Variants in SGCZ observed in about 807,000 individuals in gnomAD.
The protein encoded by SGCZ is sarcoglycan zeta, also known as zeta-sarcoglycan.
A neutral mutation model predicts 41.3 loss-of-function variants in SGCZ; 40 were observed. The observed-to-expected ratio is 0.97, with a 90% CI of 0.75 to 1.26. The LOEUF (loss-of-function observed/expected upper bound fraction) is 1.26. Among genes scored for constraint, SGCZ ranks in the 50% most tolerant of loss-of-function variants. SGCZ has a pLI of 0.00. For missense variants in SGCZ, 552 were observed against 369.8 expected (o/e 1.49, Z -4.04); for synonymous variants, 206 against 137.5 (o/e 1.50, Z -3.49).
intron 4 of SGCZ, among the ~76,000 whole-genome samples, chr8:14,190,159 C>T (rs1164746233): frequency 6.6e-6 from 1 of 151,442 alleles, no homozygotes; most frequent in Admixed American, 6.6e-5. Flanking sequence ...ACTACAGGCG[C>T]CCGCCACCAC....
intron 2 of SGCZ, among the ~76,000 whole-genome samples, chr8:14,336,268 A>C (rs534548171): frequency 6.6e-6 from 1 of 152,134 alleles, no homozygotes; most frequent in Non-Finnish European, 1.5e-5. Flanking sequence ...TTTCTTGGCT[A>C]CATAGTATTC....
At chr8:14,221,644 T>C (rs1021515607) in intron 4 of SGCZ, among the ~76,000 whole-genome samples, 1 of 152,070 alleles carries the variant, frequency 6.6e-6, no homozygotes. Context: ...TAGATTCAAA[T>C]AAGAAGTGGG....
chr8:14,195,792 C>G (rs1805248673), intron 4 of SGCZ, among the ~76,000 whole-genome samples: 5 of 151,996 alleles, frequency 3.3e-5, no homozygotes, highest in Non-Finnish European at 5.9e-5. Flanking sequence ...TGGATGACTC[C>G]CAATTCTACA....
At chr8:14,853,078 TTA>T (rs1452905333) in intron 1 of SGCZ, among the ~76,000 whole-genome samples, 1 of 152,218 alleles carries the variant, frequency 6.6e-6, no homozygotes, top group African/African-American at 2.4e-5. Context: ...CATGTGTGCA[TTA>T]TAGCAGCATT....
intron 2 of SGCZ, among the ~76,000 whole-genome samples, chr8:14,529,978 G>T (rs1803076437): frequency 6.6e-6 from 1 of 152,062 alleles, no homozygotes; most frequent in Non-Finnish European, 1.5e-5. Flanking sequence ...GAATGCACAA[G>T]TGCTGCATAA....
At chr8:14,846,121 A>G (rs1803092043) in intron 1 of SGCZ, among the ~76,000 whole-genome samples, 1 of 152,194 alleles carries the variant, frequency 6.6e-6, no homozygotes. Context: ...ATTTTATTGA[A>G]CAAAAATACA....
At chr8:15,153,368 A>C (rs1799235811) in intron 1 of SGCZ, among the ~76,000 whole-genome samples, 1 of 152,196 alleles carries the variant, frequency 6.6e-6, no homozygotes, top group Middle Eastern at 3.2e-3. Flanking sequence ...CTCATATTTA[A>C]AGCCAGGTTA....
At chr8:14,335,988 G>C (rs930948073) in intron 2 of SGCZ, among the ~76,000 whole-genome samples, 1 of 151,992 alleles carries the variant, frequency 6.6e-6, no homozygotes, top group Non-Finnish European at 1.5e-5. Context: ...TGTCATAGGG[G>C]TTTGTTATAC....
At chr8:14,652,355 T>TGGG (rs1218692209) in intron 1 of SGCZ, among the ~76,000 whole-genome samples, 39 of 11,464 alleles carry the variant, frequency 3.4e-3, no homozygotes, top group East Asian at 0.022. Flanking sequence ...AAGGGGGGGG[T>TGGG]GTGGGGGGGA....
intron 1 of SGCZ, among the ~76,000 whole-genome samples, chr8:15,100,661 G>T (rs1477556536): frequency 1.1e-4 from 17 of 152,132 alleles, no homozygotes; most frequent in Admixed American, 1.1e-3. Context: ...GGAAAATAAA[G>T]TTGAAGGACA....
intron 2 of SGCZ, among the ~76,000 whole-genome samples, chr8:14,401,991 G>A (rs1799090095): frequency 6.6e-6 from 1 of 151,930 alleles, no homozygotes; most frequent in Non-Finnish European, 1.5e-5. Context: ...TAACTGGTGT[G>A]GGATGGTATC....
chr8:14,147,941 G>T (rs958130779), intron 5 of SGCZ, among the ~76,000 whole-genome samples: 1 of 152,020 alleles, frequency 6.6e-6, no homozygotes, highest in East Asian at 1.9e-4. Context: ...TAAACCATGT[G>T]CTCCTCAATG....
At chr8:14,853,242 G>T (rs1803405446) in intron 1 of SGCZ, among the ~76,000 whole-genome samples, 1 of 152,134 alleles carries the variant, frequency 6.6e-6, no homozygotes, top group African/African-American at 2.4e-5. Context: ...GGAAGAGGAG[G>T]TAATGATCAA....
At chr8:14,444,285 C>T (rs193299825) in intron 2 of SGCZ, among the ~76,000 whole-genome samples, 1 of 152,076 alleles carries the variant, frequency 6.6e-6, no homozygotes, top group Non-Finnish European at 1.5e-5. Flanking sequence ...CTAGAAATAC[C>T]ATTTATCCCA....
At chr8:14,664,485 A>C (rs1807845523) in intron 1 of SGCZ, among the ~76,000 whole-genome samples, 1 of 152,184 alleles carries the variant, frequency 6.6e-6, no homozygotes, top group Non-Finnish European at 1.5e-5. Context: ...AGTATATAGG[A>C]ATAGAAAAAG....
chr8:14,157,284 T>C (rs1223383233), intron 5 of SGCZ, among the ~76,000 whole-genome samples: 1 of 148,748 alleles, frequency 6.7e-6, no homozygotes, highest in African/African-American at 2.4e-5. Context: ...AAAATGTATA[T>C]ACATATTATA....
chr8:15,231,996 CAA>C (rs1186036486), intron 1 of SGCZ, among the ~76,000 whole-genome samples: 1 of 152,172 alleles, frequency 6.6e-6, no homozygotes, highest in African/African-American at 2.4e-5. Context: ...AATTTTATCA[CAA>C]ACCAAGCACA....
At chr8:15,209,359 G>A (rs1006176197) in intron 1 of SGCZ, among the ~76,000 whole-genome samples, 1 of 151,320 alleles carries the variant, frequency 6.6e-6, no homozygotes, top group Non-Finnish European at 1.5e-5. Flanking sequence ...AAAAATTAAG[G>A]CTTCCGGAAT....
chr8:14,718,676 T>G (rs571989585), intron 1 of SGCZ, among the ~76,000 whole-genome samples: 1 of 151,710 alleles, frequency 6.6e-6, no homozygotes, highest in Non-Finnish European at 1.5e-5. Flanking sequence ...ACTGTCCTAC[T>G]GAAGATAAAT....
Sources: allele counts gnomAD v4.1 joint callset (sites outside exome capture counted in the v4.1 genomes callset), GRCh38; gene constraint gnomAD v4.1.1; transcripts MANE v1.5; gene names NCBI Gene and HGNC (gene_info 2026-07-23, HGNC 2026-07-21).